Variants in RPH3A observed in about 807,000 individuals in gnomAD.
RPH3A encodes rabphilin-3A.
In RPH3A, 48 loss-of-function variants were observed where a neutral mutation model predicts 102.2. That is an observed-to-expected ratio of 0.47 (90% CI 0.37 to 0.60). The LOEUF is 0.60. Among genes scored for constraint, RPH3A ranks in the 20% least tolerant of loss-of-function variants. RPH3A has a pLI of 0.00. For missense variants in RPH3A, 781 were observed against 910.1 expected (o/e 0.86, Z 1.83); for synonymous variants, 310 against 324.3 (o/e 0.96, Z 0.47).
chr12:112,750,483 TG>T (rs1194689895), intron 1 of RPH3A, among the ~76,000 whole-genome samples: 1 of 152,152 alleles, frequency 6.6e-6, no homozygotes, highest in Non-Finnish European at 1.5e-5. Flanking sequence ...GTGAGGGAGC[TG>T]GGGTATTTAT....
chr12:112,739,445 C>G (rs899079753), intron 1 of RPH3A, among the ~76,000 whole-genome samples: 1 of 152,132 alleles, frequency 6.6e-6, no homozygotes, highest in Non-Finnish European at 1.5e-5. Flanking sequence ...GGAACTCGTG[C>G]CTGTGGAAAC....
rs144745594 is a variant in RPH3A at position 112,795,827 on chromosome 12, A to G, written c.-19+3564A>G. ...GCAGTTGTGAGAATTTTAAGAGTTA[A>G]TGATCACTTTATACTGAGTCTGGCA... On this transcript the variant is annotated intron_variant, in intron 2 of 21. Transcript: ENST00000389385. Among the ~76,000 whole-genome samples the G allele has an allele frequency of 3.6e-4, 55 of 152,328 alleles. No individual in the cohort carries two copies. The East Asian group carries it at 0.011, about 29-fold the overall frequency.
chr12:112,651,189 G>A (rs376435046), intron 1 of RPH3A, among the ~76,000 whole-genome samples: 1 of 151,688 alleles, frequency 6.6e-6, no homozygotes, highest in Non-Finnish European at 1.5e-5. Flanking sequence ...GCGAAACCCC[G>A]TTCCTAAAAA....
intron 1 of RPH3A, among the ~76,000 whole-genome samples, chr12:112,576,021 C>T (rs2039356912): frequency 6.6e-6 from 1 of 152,224 alleles, no homozygotes; most frequent in Non-Finnish European, 1.5e-5. Context: ...CCAACTCTTA[C>T]CTAGTTTCAA....
intron 1 of RPH3A, among the ~76,000 whole-genome samples, chr12:112,718,381 T>C (rs973685371): frequency 6.6e-6 from 1 of 152,084 alleles, no homozygotes; most frequent in African/African-American, 2.4e-5. Flanking sequence ...AAAGGACAAA[T>C]GTAGAGAGGG....
chr12:112,763,675 A>G (rs1312909316), intron 1 of RPH3A, among the ~76,000 whole-genome samples: 2 of 152,240 alleles, frequency 1.3e-5, no homozygotes, highest in African/African-American at 4.8e-5. Context: ...AATGTTTCTT[A>G]TCAGCTTTTC....
rs1477193904 is a variant in RPH3A at position 112,694,644 on chromosome 12, GCACACGCACACACA to G, written c.-139-97493_-139-97480del. On this transcript the variant is annotated intron_variant, in intron 1 of 21. Coordinates refer to the RPH3A transcript ENST00000543106. Reference sequence around the variant, plus strand: ...CAAAGACACACGCACGCGCGCGCGCGCACACGCACACACACACACACACACACACACACACACAC... The same window carrying G: ...CAAAGACACACGCACGCGCGCGCGCGCACACACACACACACACACACACAC... Among the ~76,000 whole-genome samples, 87 of 127,012 alleles carry G rather than the reference GCACACGCACACACA, an allele frequency of 6.8e-4. 1 individual carries two copies. Among genetic ancestry groups the G allele is most frequent in the South Asian group, 5.7e-3 (22 of 3,864 alleles). The allele number at this position is 127,012 out of a possible 152,430, so 83.3% of individuals were successfully genotyped here.
Position 112,881,807 on chromosome 12 carries a change from T to A in RPH3A, c.1287T>A (p.Asp429Glu), listed in dbSNP as rs2042918787. Residue 429 changes from aspartate (D) to glutamate (E), a missense_variant, in exon 15 of 22, where the codon GAT becomes GAA. Physicochemically the swap from Asp to Glu is conservative, Grantham distance 45. This residue lies in a region of RPH3A where 730 missense variants were observed against 810.0 expected (regional missense o/e 0.90). Coordinates refer to ENST00000389385, the MANE Select transcript of RPH3A (RefSeq NM_001143854.2). ...CCATGGATTCAAACGGCTTGGCTGA[T>A]CCCTACGTTAAGCTGCACCTCCTGC... ...LKPMDSNGLA[D>E]PYVKLHLLPG... 1.2e-6 allele frequency: 2 copies of A among 1,612,790 alleles called. No homozygotes were observed. The highest frequency in any genetic ancestry group is 1.7e-6 in the Non-Finnish European group (2 of 1,179,238).
At chr12:112,696,835 G>T (rs1348646025) in intron 1 of RPH3A, among the ~76,000 whole-genome samples, 4 of 151,928 alleles carry the variant, frequency 2.6e-5, no homozygotes, top group African/African-American at 9.7e-5. Flanking sequence ...CAAATAATTT[G>T]CCTAGGAGAT....
chr12:112,890,165 C>G, intron 18 of RPH3A, 85 bp downstream of exon 18: 1 of 1,216,820 alleles, frequency 8.2e-7, no homozygotes, highest in Non-Finnish European at 1.2e-6. Flanking sequence ...CTCCCTGGCC[C>G]CTTCCTCATC....
At chr12:112,786,647 G>T (rs377176803) in intron 1 of RPH3A, among the ~76,000 whole-genome samples, 1 of 152,150 alleles carries the variant, frequency 6.6e-6, no homozygotes, top group South Asian at 2.1e-4. Flanking sequence ...TCTCTTGTAG[G>T]GCACACACAT....
At position 112,895,770 on chromosome 12, in the gene RPH3A, T is replaced by C; in HGVS notation, c.1858-7T>C. ...CTTACCCACATGTCTTCCTCTGTTG[T>C]ATTCAGGAGTTTTTCTATGACATCA... is the stretch of plus-strand genomic sequence containing the variant. On this transcript the variant is annotated splice_region_variant and splice_polypyrimidine_tract_variant and intron_variant, in intron 20 of 21. Coordinates refer to ENST00000389385, the MANE Select transcript of RPH3A (RefSeq NM_001143854.2). 1.2e-6 allele frequency: 2 copies of C among 1,606,098 alleles called. No homozygotes were observed. The highest frequency in any genetic ancestry group is 1.7e-6 in the Non-Finnish European group (2 of 1,172,752).
chr12:112,839,955 C>T (rs906716130), intron 4 of RPH3A, among the ~76,000 whole-genome samples: 7 of 152,028 alleles, frequency 4.6e-5, no homozygotes, highest in African/African-American at 9.7e-5. Flanking sequence ...TGCCACTGCA[C>T]TCCAGCCTGG....
At chr12:112,621,573 T>A (rs377584523) in intron 1 of RPH3A, among the ~76,000 whole-genome samples, 279 of 135,718 alleles carry the variant, frequency 2.1e-3, no homozygotes, top group East Asian at 6.0e-3. Flanking sequence ...ACGGAGTCTC[T>A]CTGATTGCTA....
At chr12:112,878,822 G>A (rs930779933) in intron 13 of RPH3A, among the ~76,000 whole-genome samples, 9 of 152,162 alleles carry the variant, frequency 5.9e-5, no homozygotes, top group African/African-American at 2.2e-4. Context: ...GTTGTGACTG[G>A]GGACACAGCA....
chr12:112,844,376 ACT>A (rs2042196955), intron 4 of RPH3A, among the ~76,000 whole-genome samples: 1 of 151,844 alleles, frequency 6.6e-6, no homozygotes, highest in Non-Finnish European at 1.5e-5. Flanking sequence ...TGGGGTAGGG[ACT>A]CTCTCAACAG....
chr12:112,619,059 G>A (rs967266949), intron 1 of RPH3A, among the ~76,000 whole-genome samples: 6 of 152,066 alleles, frequency 3.9e-5, no homozygotes, highest in South Asian at 2.1e-4. Flanking sequence ...TTTGAATAAC[G>A]TTTCATTAGA....
upstream of RPH3A, among the ~76,000 whole-genome samples, chr12:112,789,513 C>G (rs138597621): frequency 1.9e-3 from 284 of 152,250 alleles, 1 homozygote; most frequent in African/African-American, 6.4e-3. Context: ...TACTGTGAAG[C>G]CTTGAGCAAG....
At chr12:112,879,567 T>A (rs1481769296) in intron 14 of RPH3A, among the ~76,000 whole-genome samples, 2 of 152,162 alleles carry the variant, frequency 1.3e-5, no homozygotes, top group Non-Finnish European at 2.9e-5. Flanking sequence ...AATGGTCCCA[T>A]CCCTGTGTCT....
Sources: gnomAD v4.1 joint callset for allele counts (sites outside exome capture counted in the v4.1 genomes callset) on GRCh38, gnomAD v4.1.1 for gene constraint, gnomAD v4.1.1 regional missense constraint, MANE v1.5 for transcripts, NCBI Gene and HGNC (gene_info 2026-07-23, HGNC 2026-07-21) for gene names.